MRPS9: variants seen among roughly 807,000 people sequenced by gnomAD.
The protein encoded by MRPS9 is mitochondrial ribosomal protein S9.
Under a neutral mutation model 59.9 loss-of-function variants are expected in MRPS9, and 45 were observed. The ratio of observed to expected loss-of-function variants is 0.75; its 90% CI spans 0.59 to 0.96. The LOEUF (loss-of-function observed/expected upper bound fraction) is 0.96, where lower values mean the gene tolerates loss of function less well. MRPS9 is among the 40% of genes least tolerant of loss of function. The probability of loss-of-function intolerance (pLI) is 0.00; values close to 1 mark genes in which losing one functional copy is unlikely to be tolerated. For missense variants in MRPS9, 473 were observed against 481.1 expected (o/e 0.98, Z 0.16); for synonymous variants, 171 against 166.8 (o/e 1.03, Z -0.19).
At chr2:105,039,044 A>C (rs1679446566) in intron 1 of MRPS9, among the ~76,000 whole-genome samples, 1 of 152,106 alleles carries the variant, frequency 6.6e-6, no homozygotes, top group South Asian at 2.1e-4. Flanking sequence ...GCAGAGGGAC[A>C]GGGCCCTGAA....
At chr2:105,097,122 A>T (rs1680677007) in intron 9 of MRPS9, 33 bp from the exon 10 acceptor site, 1 of 1,441,208 alleles carries the variant, frequency 6.9e-7, no homozygotes, top group African/African-American at 1.5e-5. Flanking sequence ...CTTTATAGTA[A>T]ACGTAACCAC....
rs1680299296 is a variant in MRPS9 at position 105,080,052 on chromosome 2, C to G, written c.479C>G (p.Ser160Ter). Residue 160 changes from serine to a stop codon, truncating the protein, a stop_gained, in exon 5 of 11, where the codon TCA becomes TGA. Transcript: ENST00000258455. LOFTEE classifies it high-confidence loss of function. ...TATACTGGCAAACAGTCATACTATT[C>G]ATTAATGCATGTAAGTATATTGCAT... Reference protein sequence around the residue: ...LFYTGKQSYYSLMHDVYGMLL... With the variant: ...LFYTGKQSYY 1.3e-6 allele frequency: 2 copies of G among 1,599,440 alleles called. No homozygotes were observed. Among genetic ancestry groups the G allele is most frequent in the Non-Finnish European group, 1.7e-6 (2 of 1,169,474 alleles).
At chr2:105,047,816 A>G (rs373030940) in intron 1 of MRPS9, among the ~76,000 whole-genome samples, 1 of 152,052 alleles carries the variant, frequency 6.6e-6, no homozygotes, top group Non-Finnish European at 1.5e-5. Context: ...GTGCCACAGC[A>G]TAAAAGGACC....
At chr2:105,083,114 A>G (rs573771399) in intron 5 of MRPS9, among the ~76,000 whole-genome samples, 2 of 152,270 alleles carry the variant, frequency 1.3e-5, no homozygotes, top group East Asian at 3.9e-4. Flanking sequence ...TGCTTTTCAG[A>G]CATGATTTAG....
chr2:105,080,007 G>A lies in MRPS9; in HGVS notation c.434G>A (p.Arg145His), dbSNP rs371019550. Residue 145 changes from arginine to histidine, a missense_variant, in exon 5 of 11, where the codon CGT becomes CAT. Physicochemically the swap from Arg to His is conservative, Grantham distance 29 (BLOSUM62 0). Coordinates refer to ENST00000258455, the MANE Select transcript of MRPS9 (RefSeq NM_182640.3). ...QRAIQWGEDG[R>H]PFHYLFYTGK... is the part of the protein sequence containing the mutation. ...GCAATCCAGTGGGGAGAAGATGGCC[G>A]TCCATTTCACTATCTCTTCTATACT... 141 of 1,610,698 alleles carry A rather than the reference G, an allele frequency of 8.8e-5. No individual in the cohort carries two copies. Among genetic ancestry groups the A allele is most frequent in the East Asian group, 1.1e-4 (5 of 44,620 alleles).
intron 2 of MRPS9, among the ~76,000 whole-genome samples, chr2:105,066,206 G>T (rs58545644): frequency 0.21 from 31,318 of 151,908 alleles, 3,312 homozygotes; most frequent in Middle Eastern, 0.35. Context: ...ATTTGCAATA[G>T]TGCTTTTTAT....
chr2:105,062,354 A>G (rs561728305), intron 2 of MRPS9, among the ~76,000 whole-genome samples: 1 of 152,344 alleles, frequency 6.6e-6, no homozygotes, highest in African/African-American at 2.4e-5. Context: ...AGATGTCAGG[A>G]AACGCAGCCT....
chr2:105,099,086 T>C (rs538808635), intron 10 of MRPS9, among the ~76,000 whole-genome samples: 2 of 152,126 alleles, frequency 1.3e-5, no homozygotes, highest in Admixed American at 6.6e-5. Context: ...CTAAAACTTA[T>C]TTTTTAGATT....
intron 2 of MRPS9, among the ~76,000 whole-genome samples, chr2:105,060,865 A>C (rs1266051627): frequency 6.6e-6 from 1 of 151,766 alleles, no homozygotes; most frequent in Non-Finnish European, 1.5e-5. Context: ...TAATCCCAGC[A>C]CTTTGGGAGG....
intron 9 of MRPS9, among the ~76,000 whole-genome samples, chr2:105,095,400 A>G (rs1354359635): frequency 6.6e-6 from 1 of 152,210 alleles, no homozygotes; most frequent in Non-Finnish European, 1.5e-5. Flanking sequence ...AATAGATTTC[A>G]TAATGTAATT....
At chr2:105,044,723 A>T (rs1043523649) in intron 1 of MRPS9, among the ~76,000 whole-genome samples, 1 of 152,228 alleles carries the variant, frequency 6.6e-6, no homozygotes, top group Non-Finnish European at 1.5e-5. Context: ...TGAAAAACCA[A>T]GTCTTCAATA....
rs186341029 is a variant in MRPS9 at position 105,058,550 on chromosome 2, C to T, written c.315+9200C>T. Among the ~76,000 whole-genome samples, 54 of 152,252 alleles carry T rather than the reference C, an allele frequency of 3.5e-4. 1 individual carries two copies. The East Asian group carries it at 9.6e-3, about 27-fold the overall frequency. On this transcript the variant is annotated intron_variant, in intron 2 of 10. Coordinates refer to ENST00000258455, the MANE Select transcript of MRPS9 (RefSeq NM_182640.3). ...AAACATGTTTACTAATGAGGATTAC[C>T]TTACTCCATTTCTTATTTGGATTAA...
At chr2:105,070,142 G>A (rs1273657821) in intron 2 of MRPS9, among the ~76,000 whole-genome samples, 1 of 152,002 alleles carries the variant, frequency 6.6e-6, no homozygotes, top group East Asian at 1.9e-4. Flanking sequence ...TTATTTGTTT[G>A]TTTATTTTGC....
intron 2 of MRPS9, among the ~76,000 whole-genome samples, chr2:105,063,386 C>T (rs981310389): frequency 2.0e-5 from 3 of 152,290 alleles, no homozygotes. Flanking sequence ...ATGTATGTTG[C>T]ATGGATGTTG....
Position 105,089,018 on chromosome 2 carries a change from A to G in MRPS9, c.524A>G (p.His175Arg). 1 of 1,611,978 alleles carries G rather than the reference A, an allele frequency of 6.2e-7. No homozygotes were observed. Among genetic ancestry groups the G allele is most frequent in the Non-Finnish European group, 8.5e-7 (1 of 1,178,670 alleles). The change falls in exon 6 of 11, where the codon CAT becomes CGT. Residue 175 changes from histidine (H) to arginine (R), a missense_variant. His to Arg is a conservative substitution (Grantham distance 29). Transcript: ENST00000258455. ...VYGMLLNLEK[H>R]QSHLQAKSLL... ...GGAATGTTACTCAATTTAGAAAAAC[A>G]TCAAAGTCACTTGCAAGCCAAAAGT...
At chr2:105,061,363 G>A (rs1679898898) in intron 2 of MRPS9, among the ~76,000 whole-genome samples, 1 of 152,112 alleles carries the variant, frequency 6.6e-6, no homozygotes, top group South Asian at 2.1e-4. Flanking sequence ...GGCAATCTGA[G>A]AGGAAGAAAG....
Position 105,099,812 on chromosome 2 carries a change from G to A in MRPS9, c.*51G>A, listed in dbSNP as rs1680753015. ...AAGAGCTATATATATGTGCCGACAT[G>A]TGGCAGACACACAGTAAATAATGGC... On this transcript the variant is annotated 3_prime_UTR_variant, in exon 11 of 11. Transcript: ENST00000258455. 1.3e-6 allele frequency: 2 copies of A among 1,549,690 alleles called. No homozygotes were observed. Among genetic ancestry groups the A allele is most frequent in the Admixed American group, 1.7e-5 (1 of 59,040 alleles).
chr2:105,099,531 T>C, intron 10 of MRPS9, 139 bp from the exon 11 acceptor site: 1 of 639,690 alleles, frequency 1.6e-6, no homozygotes, highest in East Asian at 2.9e-5. Context: ...GATACTGGGC[T>C]GGTAAATTAT....
chr2:105,086,805 A>G (rs552324750), intron 5 of MRPS9, among the ~76,000 whole-genome samples: 45 of 151,528 alleles, frequency 3.0e-4, no homozygotes, highest in Admixed American at 1.4e-3. Flanking sequence ...TTACCAGAGC[A>G]CCCCAATGGA....
Sources: gnomAD v4.1 joint callset for allele counts (sites outside exome capture counted in the v4.1 genomes callset) on GRCh38, gnomAD v4.1.1 for gene constraint, MANE v1.5 for transcripts, NCBI Gene and HGNC (gene_info 2026-07-23, HGNC 2026-07-21) for gene names.